The following RYR3 variants were observed in gnomAD, a reference collection of about 807,000 sequenced individuals.
RYR3 encodes the protein ryanodine receptor 3.
In RYR3, 207 loss-of-function variants were observed where a neutral mutation model predicts 584.3. The ratio of observed to expected loss-of-function variants is 0.35; its 90% confidence interval spans 0.32 to 0.40. RYR3 has a LOEUF of 0.40. Ranked by LOEUF, RYR3 falls within the 10% of genes least tolerant of loss-of-function variation. The pLI, the probability that RYR3 is intolerant of heterozygous loss-of-function variation, is 1.00. For synonymous variants in RYR3, 2,416 were observed against 2,248.5 expected, an observed-to-expected ratio of 1.07 and a Z score of -2.11; for missense variants, 5,616 against 6,089.2, an observed-to-expected ratio of 0.92 and a Z score of 2.59.
chr15:33,435,972 A>AATTTTACAGAGTTCTGATTGGTCC, intron 1 of RYR3, among the ~76,000 whole-genome samples: 1 of 151,998 alleles, frequency 6.6e-6, no homozygotes, highest in Admixed American at 6.6e-5. Context: ...CTGATTCGTC[A>AATTTTACAGAGTTCTGATTGGTCC]ATTTTACAGA....
chr15:33,629,844 C>A, intron 21 of RYR3, 96 bp from the exon 22 acceptor site: 1 of 644,162 alleles, frequency 1.6e-6, no homozygotes, highest in Non-Finnish European at 2.7e-6. Context: ...ATATGGATTG[C>A]CTGGGCCATG....
In RYR3 at chr15:33,579,972, T is replaced by G; in HGVS notation, c.1269-4T>G. On this transcript the variant is annotated splice_polypyrimidine_tract_variant and splice_region_variant and intron_variant, in intron 12 of 103. Transcript: ENST00000634891. ...CTAAACCATGTCAATCTCATGGTTTTTAGCGGAAACAATCGCACAGCTGCC... is the reference window on the plus strand; with the variant it reads ...CTAAACCATGTCAATCTCATGGTTTGTAGCGGAAACAATCGCACAGCTGCC... The G allele has an allele frequency of 6.2e-7, 1 of 1,605,920 alleles. No individual in the cohort carries two copies. Among genetic ancestry groups the G allele is most frequent in the Non-Finnish European group, 8.5e-7 (1 of 1,175,612 alleles).
chr15:33,802,647 G>A (rs2075981466), intron 69 of RYR3, among the ~76,000 whole-genome samples: 1 of 152,150 alleles, frequency 6.6e-6, no homozygotes, highest in African/African-American at 2.4e-5. Context: ...TCATTATTTT[G>A]ATTTAAGAGA....
At chr15:33,552,258 C>T (rs1354162511) in intron 10 of RYR3, among the ~76,000 whole-genome samples, 1 of 152,178 alleles carries the variant, frequency 6.6e-6, no homozygotes, top group East Asian at 1.9e-4. Context: ...GCTGTGGTCT[C>T]TGGGGGAAGC....
Position 33,838,180 on chromosome 15 carries a change from A to G in RYR3, c.12200A>G (p.Gln4067Arg). 6.2e-7 allele frequency: 1 copy of G among 1,614,020 alleles called. No homozygotes were observed. The highest frequency in any genetic ancestry group is 2.2e-5 in the East Asian group (1 of 44,888). The change falls in exon 89 of 104, where the codon CAG (glutamine) becomes CGG (arginine). Residue 4067 changes from glutamine to arginine, a missense_variant. Physicochemically the swap from Gln to Arg is conservative, Grantham distance 43. This residue lies in a region of RYR3 where 258 missense variants were observed against 297.3 expected (regional missense o/e 0.87). Coordinates refer to ENST00000634891, the MANE Select transcript of RYR3 (RefSeq NM_001036.6). ...EKPQVKESKR[Q>R]FIFDVVNEGG... ...CCCCAGGTGAAGGAATCTAAGCGACAGTTCATTTTTGATGTTGTCAATGAA... is the reference window on the plus strand; with the variant it reads ...CCCCAGGTGAAGGAATCTAAGCGACGGTTCATTTTTGATGTTGTCAATGAA...
chr15:33,812,184 C>A (rs985321077), intron 72 of RYR3, among the ~76,000 whole-genome samples: 1 of 152,012 alleles, frequency 6.6e-6, no homozygotes, highest in African/African-American at 2.4e-5. Context: ...ACAGAGAAAC[C>A]CAAGTGGAAT....
At chr15:33,845,564 T>A (rs1194509242) in intron 93 of RYR3, among the ~76,000 whole-genome samples, 1 of 152,092 alleles carries the variant, frequency 6.6e-6, no homozygotes, top group Non-Finnish European at 1.5e-5. Context: ...CCTAAGTCCT[T>A]TAACTCAGAA....
At chr15:33,566,283 T>G (rs2057710348) in intron 11 of RYR3, among the ~76,000 whole-genome samples, 1 of 152,230 alleles carries the variant, frequency 6.6e-6, no homozygotes, top group Non-Finnish European at 1.5e-5. Context: ...GTCTGTCTTT[T>G]TCTTCAATTC....
At chr15:33,458,822 TG>T (rs2047781682) in intron 1 of RYR3, among the ~76,000 whole-genome samples, 1 of 152,194 alleles carries the variant, frequency 6.6e-6, no homozygotes. Context: ...TAGCCTTTGG[TG>T]ACTGGTGTTT....
chr15:33,465,481 C>A (rs2048408062), intron 1 of RYR3, among the ~76,000 whole-genome samples: 1 of 152,102 alleles, frequency 6.6e-6, no homozygotes, highest in Non-Finnish European at 1.5e-5. Flanking sequence ...TACTTCATAG[C>A]TTTTGCCTTT....
intron 27 of RYR3, among the ~76,000 whole-genome samples, chr15:33,638,827 T>C (rs565607342): frequency 6.6e-6 from 1 of 151,754 alleles, no homozygotes; most frequent in South Asian, 2.1e-4. Flanking sequence ...GCATGTTAAC[T>C]ACAGAATACA....
At chr15:33,735,368 A>C (rs932566565) in intron 48 of RYR3, among the ~76,000 whole-genome samples, 2 of 152,226 alleles carry the variant, frequency 1.3e-5, no homozygotes, top group Non-Finnish European at 2.9e-5. Context: ...TTTGTTCTCC[A>C]TCTGCATACA....
At chr15:33,688,060 A>C (rs1245087501) in intron 38 of RYR3, among the ~76,000 whole-genome samples, 1 of 152,204 alleles carries the variant, frequency 6.6e-6, no homozygotes, top group Non-Finnish European at 1.5e-5. Flanking sequence ...AAAATAGACA[A>C]ATGGGATCTA....
intron 75 of RYR3, among the ~76,000 whole-genome samples, chr15:33,817,549 C>A (rs929598239): frequency 6.6e-6 from 1 of 152,176 alleles, no homozygotes; most frequent in Non-Finnish European, 1.5e-5. Flanking sequence ...CCTTCTCCCA[C>A]GAACCTTTTT....
At chr15:33,701,598 G>C (rs548612523) in intron 42 of RYR3, among the ~76,000 whole-genome samples, 1 of 152,056 alleles carries the variant, frequency 6.6e-6, no homozygotes. Context: ...CCGGAGGGCT[G>C]ACAGGATTCA....
At chr15:33,721,065 G>A (rs1026875930) in intron 43 of RYR3, among the ~76,000 whole-genome samples, 1 of 152,158 alleles carries the variant, frequency 6.6e-6, no homozygotes, top group African/African-American at 2.4e-5. Flanking sequence ...CTAATGAATA[G>A]GATATGACTA....
intron 67 of RYR3, among the ~76,000 whole-genome samples, chr15:33,790,720 A>G (rs1351196632): frequency 6.6e-6 from 1 of 152,218 alleles, no homozygotes; most frequent in African/African-American, 2.4e-5. Flanking sequence ...TAATCGACAC[A>G]TTTAAGGACT....
chr15:33,682,619 C>T (rs1431492663), intron 38 of RYR3, among the ~76,000 whole-genome samples: 1 of 152,174 alleles, frequency 6.6e-6, no homozygotes, highest in East Asian at 1.9e-4. Flanking sequence ...TGACTAGCTT[C>T]CCTAAGACAT....
At chr15:33,789,642 ATATATATATATATATATTTTTTTTTTTTT>A in intron 67 of RYR3, among the ~76,000 whole-genome samples, 1 of 21,154 alleles carries the variant, frequency 4.7e-5, no homozygotes, top group Non-Finnish European at 8.6e-5. Context: ...ATATATATAT[ATATATATATATATATATTTTTTTTTTTTT>A]TTTTTTTTTT....
Sources: allele counts gnomAD v4.1 joint callset (sites outside exome capture counted in the v4.1 genomes callset), GRCh38; gene constraint gnomAD v4.1.1; regional missense constraint gnomAD v4.1.1; transcripts MANE v1.5; gene names NCBI Gene and HGNC (gene_info 2026-07-23, HGNC 2026-07-21).